Variants in NUGGC observed in about 807,000 individuals in gnomAD.
NUGGC encodes nuclear GTPase SLIP-GC.
NUGGC carries 58 observed loss-of-function variants against 92.6 expected under a neutral mutation model. That is an observed-to-expected ratio of 0.63 (90% CI 0.51 to 0.78). The LOEUF is 0.78. Ranked by LOEUF, NUGGC falls within the 30% of genes least tolerant of loss-of-function variation. The probability of loss-of-function intolerance (pLI) is 0.00; values close to 1 mark genes in which losing one functional copy is unlikely to be tolerated. For missense variants in NUGGC, 925 were observed against 964.6 expected (o/e 0.96, Z 0.54); for synonymous variants, 376 against 366.4 (o/e 1.03, Z -0.30).
chr8:28,025,505 G>A (rs1480217598), intron 18 of NUGGC, among the ~76,000 whole-genome samples: 3 of 152,168 alleles, frequency 2.0e-5, no homozygotes, highest in Non-Finnish European at 4.4e-5. Context: ...TCTGGCAAGC[G>A]GGAGTTCTTT....
intron 1 of NUGGC, among the ~76,000 whole-genome samples, chr8:28,081,186 C>A (rs1266519701): frequency 6.6e-6 from 1 of 151,870 alleles, no homozygotes; most frequent in East Asian, 1.9e-4. Context: ...GGGCATGGTG[C>A]AGCATGCCTG....
rs746749684 is a variant in NUGGC at position 28,055,948 on chromosome 8, G to A, written c.1206+17C>T. ...GCTGGGATACAGAAAAACACATAGAGAAACCTATTAACTCACCTTCAGTTT... is the reference window on the plus strand; with the variant it reads ...GCTGGGATACAGAAAAACACATAGAAAAACCTATTAACTCACCTTCAGTTT... On this transcript the variant is annotated intron_variant, in intron 10 of 18. Transcript: ENST00000413272. 2.1e-5 allele frequency: 28 copies of A among 1,347,506 alleles called. No individual in the cohort carries two copies. The East Asian group carries it at 6.7e-4, about 32-fold the overall frequency. The allele number at this position is 1,347,506 out of a possible 1,614,324, so 83.5% of individuals were successfully genotyped here. A position where few individuals can be genotyped will look rare whatever the true frequency, so the allele number is the denominator to read the frequency against.
At chr8:28,052,875 G>A (rs761153706) in intron 10 of NUGGC, among the ~76,000 whole-genome samples, 7 of 152,106 alleles carry the variant, frequency 4.6e-5, no homozygotes, top group African/African-American at 1.4e-4. Flanking sequence ...TTTCCAGGCC[G>A]TTACATCGAA....
At chr8:28,027,308 T>A (rs1272075788) in intron 17 of NUGGC, among the ~76,000 whole-genome samples, 3 of 152,166 alleles carry the variant, frequency 2.0e-5, no homozygotes, top group African/African-American at 7.2e-5. Flanking sequence ...CGTGGGGGGC[T>A]GCAGCTCTGG....
intron 2 of NUGGC, among the ~76,000 whole-genome samples, chr8:28,074,079 G>A (rs920331120): frequency 6.6e-6 from 1 of 151,340 alleles, no homozygotes; most frequent in Admixed American, 6.6e-5. Flanking sequence ...GATTACAGGT[G>A]TGAGCCACCA....
chr8:28,052,441 T>G (rs138227706), intron 10 of NUGGC, among the ~76,000 whole-genome samples: 3 of 152,304 alleles, frequency 2.0e-5, no homozygotes, highest in African/African-American at 7.2e-5. Context: ...GAAGTCATAA[T>G]GGAGTAGGGT....
intron 1 of NUGGC, 72 bp downstream of exon 1, chr8:28,083,703 T>C (rs1810904751): frequency 6.6e-6 from 1 of 151,408 alleles, no homozygotes; most frequent in Non-Finnish European, 1.5e-5. Flanking sequence ...AAAACTGTTC[T>C]AAAAATTAAG....
chr8:28,059,435 T>C (rs1461287055), intron 8 of NUGGC, among the ~76,000 whole-genome samples: 2 of 152,198 alleles, frequency 1.3e-5, no homozygotes, highest in Non-Finnish European at 2.9e-5. Flanking sequence ...AATGCATACC[T>C]TTCATTGTAA....
At chr8:28,064,482 G>A (rs772281808) in intron 7 of NUGGC, 40 bp downstream of exon 7, 1 of 1,549,220 alleles carries the variant, frequency 6.5e-7, no homozygotes, top group East Asian at 2.2e-5. Context: ...GGGTAGAGGA[G>A]TTTAGGGAAG....
Position 28,056,004 on chromosome 8 carries a change from T to C in NUGGC, c.1167A>G (p.Ile389Met). 6.4e-7 allele frequency: 1 copy of C among 1,564,772 alleles called. No individual in the cohort carries two copies. The highest frequency in any genetic ancestry group is 8.7e-7 in the Non-Finnish European group (1 of 1,151,524). Reference protein sequence around the residue: ...REAVLERNEMIKLQRTRILKE... With the variant: ...REAVLERNEMMKLQRTRILKE... ...TGAGAATTCTAGTCCTTTGTAGTTT[T>C]ATCATTTCATTTCTTTCTAAAACAG... The change falls in exon 10 of 19, where the codon ATA becomes ATG. Residue 389 changes from isoleucine (I) to methionine (M), a missense_variant. Coordinates refer to ENST00000413272, the MANE Select transcript of NUGGC (RefSeq NM_001010906.2).
chr8:28,045,988 G>A (rs2280932), intron 11 of NUGGC, among the ~76,000 whole-genome samples: 83,258 of 151,896 alleles, frequency 0.55, 23,356 homozygotes, highest in African/African-American at 0.65. Flanking sequence ...CAAAGTGCTC[G>A]GAATTCTAGA....
At position 28,032,553 on chromosome 8, in the gene NUGGC, TA is replaced by T. The variant is rs779110098; in HGVS notation, c.1769+986del. The stretch of plus-strand genomic sequence containing the variant: ...TAACATGGTGAAACCCCATCTCTAC[TA>T]AAAAATACAAAAAATTAGCCAGGCA... On this transcript the variant is annotated intron_variant, in intron 14 of 18. Coordinates refer to ENST00000413272, the MANE Select transcript of NUGGC (RefSeq NM_001010906.2). 3.7e-4 allele frequency among the ~76,000 whole-genome samples: 56 copies of T among 151,358 alleles called. No homozygotes were observed. The East Asian group carries it at 4.9e-3, about 13-fold the overall frequency.
At position 28,073,668 on chromosome 8, in the gene NUGGC, T is replaced by C. The variant is rs1381272016; in HGVS notation, c.43+700A>G. Among the ~76,000 whole-genome samples the C allele has an allele frequency of 3.3e-5, 5 of 152,144 alleles. No individual in the cohort carries two copies. In the East Asian group the frequency reaches 9.6e-4, roughly 29 times the overall value. ...GGGAAGCCACCCGCACTGACTCCAATGTGAGTCACCCTTCCAGGAGCCGCT... is the reference window on the plus strand; with the variant it reads ...GGGAAGCCACCCGCACTGACTCCAACGTGAGTCACCCTTCCAGGAGCCGCT... On this transcript the variant is annotated intron_variant, in intron 2 of 18. Coordinates refer to ENST00000413272, the MANE Select transcript of NUGGC (RefSeq NM_001010906.2).
rs1192177613 is a variant in NUGGC, at chr8:28,029,286, G to T, written c.2134C>A (p.His712Asn). The change falls in exon 17 of 19, where the codon CAC (histidine) becomes AAC (asparagine). Residue 712 changes from histidine (H) to asparagine (N), a missense_variant. Coordinates refer to ENST00000413272, the MANE Select transcript of NUGGC (RefSeq NM_001010906.2). ...MFERAQERMQHQFQQLKTGIV... is the reference protein window; with the variant it reads ...MFERAQERMQNQFQQLKTGIV... ...AGTACCTTCAGCTGCTGAAACTGGT[G>T]CTGCATCCTTTCCTGGGCCCTTTCA... is the stretch of plus-strand genomic sequence containing the variant. 2 of 1,606,402 alleles carry T rather than the reference G, an allele frequency of 1.2e-6. No individual in the cohort carries two copies. The highest frequency in any genetic ancestry group is 1.7e-6 in the Non-Finnish European group (2 of 1,176,454).
chr8:28,078,687 C>T (rs1012356679), intron 1 of NUGGC, among the ~76,000 whole-genome samples: 7 of 152,084 alleles, frequency 4.6e-5, no homozygotes, highest in Non-Finnish European at 8.8e-5. Flanking sequence ...AAACTGAGAC[C>T]GTACCAATGA....
At chr8:28,072,052 A>G (rs1810603693) in intron 2 of NUGGC, among the ~76,000 whole-genome samples, 1 of 152,216 alleles carries the variant, frequency 6.6e-6, no homozygotes, top group Non-Finnish European at 1.5e-5. Context: ...TCAACCTTGC[A>G]TCTTCCAGTA....
Position 28,071,027 on chromosome 8 carries a change from C to T in NUGGC, c.44-671G>A, listed in dbSNP as rs575715171. On this transcript the variant is annotated intron_variant, in intron 2 of 18. Transcript: ENST00000413272. ...ATAAAAAAATAGGAACTGCTTCCAG[C>T]TCTGTCTGCCCATAAACTCATTTGG... Among the ~76,000 whole-genome samples, 16 of 152,120 alleles carry T rather than the reference C, an allele frequency of 1.1e-4. No individual in the cohort carries two copies. In the East Asian group the frequency reaches 2.9e-3, roughly 28 times the overall value.
chr8:28,064,901 A>C (rs1266743397), intron 6 of NUGGC, among the ~76,000 whole-genome samples, 170 bp from the exon 7 acceptor site: 1 of 152,212 alleles, frequency 6.6e-6, no homozygotes, highest in Non-Finnish European at 1.5e-5. Context: ...GCCAGGAAGG[A>C]CCCTGGAGAG....
intron 17 of NUGGC, among the ~76,000 whole-genome samples, 163 bp from the exon 18 acceptor site, chr8:28,027,215 G>A (rs759851877): frequency 1.1e-4 from 16 of 152,222 alleles, no homozygotes; most frequent in Non-Finnish European, 8.8e-5. Flanking sequence ...CATTTTCAAG[G>A]ACACCAAATG....
Sources: allele counts gnomAD v4.1 joint callset (sites outside exome capture counted in the v4.1 genomes callset), GRCh38; gene constraint gnomAD v4.1.1; transcripts MANE v1.5; gene names NCBI Gene and HGNC (gene_info 2026-07-23, HGNC 2026-07-21).